The following PRKAR1A variants were observed in gnomAD, a reference collection of about 807,000 sequenced individuals.
PRKAR1A encodes the protein cAMP-dependent protein kinase type I-alpha regulatory subunit.
In PRKAR1A, 3 loss-of-function variants were observed where a neutral mutation model predicts 52.0. The ratio of observed to expected loss-of-function variants is 0.06; its 90% CI spans 0.03 to 0.15. The LOEUF is 0.15. Ranked by LOEUF, PRKAR1A falls within the 10% of genes least tolerant of loss-of-function variation. PRKAR1A has a pLI of 1.00. For missense variants in PRKAR1A, 240 were observed against 477.4 expected, an observed-to-expected ratio of 0.50 and a Z score of 4.63; for synonymous variants, 188 against 168.4, an observed-to-expected ratio of 1.12 and a Z score of -0.90.
rs1197838195 is a variant in PRKAR1A at position 68,531,130 on chromosome 17, G to A, written c.*681G>A. 1 of 1,066,910 alleles carries A rather than the reference G, an allele frequency of 9.4e-7. No homozygotes were observed. The highest frequency in any genetic ancestry group is 1.1e-6 in the Non-Finnish European group (1 of 880,058). The allele number at this position is 1,066,910 out of a possible 1,614,324, so 66.1% of individuals were successfully genotyped here. A position where few individuals can be genotyped will look rare whatever the true frequency, so the allele number is the denominator to read the frequency against. On this transcript the variant is annotated 3_prime_UTR_variant, in exon 11 of 11. Coordinates refer to ENST00000589228, the MANE Select transcript of PRKAR1A (RefSeq NM_002734.5). ...CAATTCTGAAATACTTTTGAGTATG[G>A]CTATCTATACCTGCCTTTTAAGTTT...
the PRKAR1A span, among the ~76,000 whole-genome samples, chr17:68,463,902 C>T: frequency 6.6e-6 from 1 of 152,182 alleles, no homozygotes; most frequent in Non-Finnish European, 1.5e-5. Flanking sequence ...GGGAGATTCA[C>T]AATTCACTTT....
At chr17:68,472,595 G>A in the PRKAR1A span, among the ~76,000 whole-genome samples, 1 of 152,110 alleles carries the variant, frequency 6.6e-6, no homozygotes, top group African/African-American at 2.4e-5. Context: ...AAAGAGTGAT[G>A]CGTGAGCATC....
the PRKAR1A span, among the ~76,000 whole-genome samples, chr17:68,466,659 C>G: frequency 1.3e-5 from 2 of 151,860 alleles, no homozygotes; most frequent in East Asian, 1.9e-4. Flanking sequence ...TGATCCACCC[C>G]CCTTGGCCTC....
chr17:68,490,110 C>T, the PRKAR1A span, among the ~76,000 whole-genome samples: 9 of 152,214 alleles, frequency 5.9e-5, no homozygotes, highest in South Asian at 2.1e-4. Context: ...CTTGGCTTGT[C>T]TTGTTGATGA....
At chr17:68,495,977 T>C in the PRKAR1A span, among the ~76,000 whole-genome samples, 1,044 of 6,696 alleles carry the variant, frequency 0.16, 80 homozygotes, top group East Asian at 0.34. Context: ...CTCTCCTCTC[T>C]CCTCTCCTCT....
chr17:68,545,364 AT>A (rs1305342441), intron 11 of PRKAR1A, among the ~76,000 whole-genome samples: 1 of 152,260 alleles, frequency 6.6e-6, no homozygotes, highest in Non-Finnish European at 1.5e-5. Context: ...TGAAGCAAAT[AT>A]GGCAATAAAG....
chr17:68,437,948 TAAAAAAAAAA>T, the PRKAR1A span, among the ~76,000 whole-genome samples: 2 of 78,806 alleles, frequency 2.5e-5, no homozygotes, highest in Admixed American at 1.3e-4. Flanking sequence ...ACATCTCTCT[TAAAAAAAAAA>T]AAAAAAAAAA....
At chr17:68,537,577 A>G, downstream of PRKAR1A, 1 of 1,613,204 alleles carries the variant, frequency 6.2e-7, no homozygotes. This position sits in a 1 kb window ranked among gnomAD's most constrained non-coding sequence, Gnocchi z 4.2. Context: ...GCACCCCTCC[A>G]CTGTCCTTAG....
chr17:68,430,940 A>T, the PRKAR1A span, among the ~76,000 whole-genome samples: 3 of 152,154 alleles, frequency 2.0e-5, no homozygotes, highest in African/African-American at 4.8e-5. Flanking sequence ...GGTATTCTTT[A>T]CTATGCTACC....
intron 11 of PRKAR1A, among the ~76,000 whole-genome samples, chr17:68,549,758 A>C (rs1190934739): frequency 6.6e-6 from 1 of 151,984 alleles, no homozygotes; most frequent in African/African-American, 2.4e-5. Context: ...CTCACTGGTG[A>C]CTCTTGTGTT....
the PRKAR1A span, among the ~76,000 whole-genome samples, chr17:68,470,132 G>A: frequency 9.2e-5 from 14 of 151,534 alleles, no homozygotes; most frequent in African/African-American, 3.2e-4. Flanking sequence ...ACTCAGGCTG[G>A]AGTGCAGTTG....
the PRKAR1A span, among the ~76,000 whole-genome samples, chr17:68,415,730 G>C: frequency 6.6e-6 from 1 of 152,156 alleles, no homozygotes; most frequent in Non-Finnish European, 1.5e-5. Flanking sequence ...GTTTAGGATT[G>C]TGATGTTTTC....
At chr17:68,512,046 C>T, upstream of PRKAR1A, 1 of 153,104 alleles carries the variant, frequency 6.5e-6, no homozygotes, top group Non-Finnish European at 1.5e-5. Flanking sequence ...GACAGAGGAG[C>T]GGAGGGACGA....
chr17:68,525,573 C>T (rs935322213), intron 6 of PRKAR1A, among the ~76,000 whole-genome samples, 181 bp from the exon 7 acceptor site: 4 of 152,172 alleles, frequency 2.6e-5, no homozygotes, highest in African/African-American at 7.2e-5. Flanking sequence ...TATAGACACT[C>T]TTAACTCATT....
the PRKAR1A span, among the ~76,000 whole-genome samples, chr17:68,471,841 C>T: frequency 6.6e-6 from 1 of 152,048 alleles, no homozygotes; most frequent in South Asian, 2.1e-4. Flanking sequence ...TGCTTTGTTG[C>T]CCAGGCTGGA....
At chr17:68,472,217 G>C in the PRKAR1A span, among the ~76,000 whole-genome samples, 1 of 152,296 alleles carries the variant, frequency 6.6e-6, no homozygotes, top group South Asian at 2.1e-4. Context: ...GGCCCAGGCA[G>C]GTGGCAAGTA....
the PRKAR1A span, among the ~76,000 whole-genome samples, chr17:68,483,668 C>T: frequency 1.3e-5 from 2 of 152,140 alleles, no homozygotes; most frequent in East Asian, 3.9e-4. Context: ...TCAAGACCAG[C>T]CTGACCAACA....
At chr17:68,548,320 G>A (rs929981891) in intron 11 of PRKAR1A, among the ~76,000 whole-genome samples, 6 of 151,386 alleles carry the variant, frequency 4.0e-5, no homozygotes, top group African/African-American at 1.5e-4. Flanking sequence ...ACCTGAGGTC[G>A]AGAGTTCGAG....
the PRKAR1A span, among the ~76,000 whole-genome samples, chr17:68,473,094 A>G: frequency 6.6e-6 from 1 of 152,246 alleles, no homozygotes; most frequent in Non-Finnish European, 1.5e-5. Context: ...AAGTGATATC[A>G]GCCTCTCTTG....
Sources: allele counts gnomAD v4.1 joint callset (sites outside exome capture counted in the v4.1 genomes callset), GRCh38; gene constraint gnomAD v4.1.1; non-coding constraint Gnocchi (gnomAD v3.1); transcripts MANE v1.5; gene names NCBI Gene and HGNC (gene_info 2026-07-23, HGNC 2026-07-21).